The following ZRANB1 variants were observed in gnomAD, a reference collection of about 807,000 sequenced individuals.
ZRANB1 encodes ubiquitin thioesterase ZRANB1.
ZRANB1 carries 16 observed loss-of-function variants against 80.5 expected under a neutral mutation model. The ratio of observed to expected loss-of-function variants is 0.20; its 90% CI spans 0.13 to 0.30. The LOEUF is 0.30. ZRANB1 is among the 10% of genes least tolerant of loss of function. The pLI is 1.00. For missense variants in ZRANB1, 576 were observed against 862.6 expected (o/e 0.67, Z 4.16); for synonymous variants, 291 against 293.1 (o/e 0.99, Z 0.07).
At chr10:124,936,227 C>T in the ZRANB1 span, among the ~76,000 whole-genome samples, 1 of 151,990 alleles carries the variant, frequency 6.6e-6, no homozygotes, top group Non-Finnish European at 1.5e-5. Context: ...GCAGAAGAGC[C>T]TCAGAAAGAG....
In ZRANB1 at chr10:124,942,627, G is replaced by T; in HGVS notation, c.134G>T (p.Gly45Val). The change falls in exon 1 of 9, where the codon GGT (glycine) becomes GTT (valine). Residue 45 changes from glycine (G) to valine (V), a missense_variant. Gly to Val is a moderately radical substitution (Grantham distance 109, BLOSUM62 -3). Coordinates refer to ENST00000359653, the MANE Select transcript of ZRANB1 (RefSeq NM_017580.3). ...TIITEDPFKSGSSDVGRDWDP... is the reference protein window; with the variant it reads ...TIITEDPFKSVSSDVGRDWDP... ...ATTACAGAAGATCCATTTAAAAGTG[G>T]TTCAAGTGATGTTGGTAGAGATTGG... 1.2e-6 allele frequency: 2 copies of T among 1,614,204 alleles called. No homozygotes were observed. Among genetic ancestry groups the T allele is most frequent in the South Asian group, 2.2e-5 (2 of 91,080 alleles).
intron 1 of ZRANB1, among the ~76,000 whole-genome samples, chr10:124,950,160 T>C (rs1008488701): frequency 1.3e-5 from 2 of 152,176 alleles, no homozygotes; most frequent in African/African-American, 4.8e-5. Flanking sequence ...GGTCTCACTG[T>C]CTCCCAGGCT....
At chr10:124,934,366 C>G in the ZRANB1 span, among the ~76,000 whole-genome samples, 41 of 152,144 alleles carry the variant, frequency 2.7e-4, no homozygotes, top group African/African-American at 9.4e-4. Flanking sequence ...TTTTTGAGAT[C>G]TAATTATTGA....
upstream of ZRANB1, chr10:124,940,632 A>T: frequency 4.1e-5 from 35 of 860,546 alleles, no homozygotes; most frequent in Non-Finnish European, 5.6e-5. Context: ...TCACACTATA[A>T]ATGGTGTATG....
At chr10:124,958,156 A>T (rs970118367) in intron 1 of ZRANB1, among the ~76,000 whole-genome samples, 1 of 152,208 alleles carries the variant, frequency 6.6e-6, no homozygotes, top group African/African-American at 2.4e-5. Context: ...ATTTGTACTG[A>T]CTTCTTGTAA....
chr10:124,947,715 T>C (rs1258312855), intron 1 of ZRANB1, among the ~76,000 whole-genome samples: 4 of 152,210 alleles, frequency 2.6e-5, no homozygotes, highest in African/African-American at 9.6e-5. Context: ...TTCCATTGCT[T>C]GTGCCAAAAG....
intron 2 of ZRANB1, 132 bp downstream of exon 2, chr10:124,966,913 T>C: frequency 2.4e-6 from 2 of 831,672 alleles, no homozygotes; most frequent in Non-Finnish European, 3.7e-6. Context: ...CTTTTAAAAA[T>C]AACATTAAAC....
rs199761917 is a variant in ZRANB1 at position 124,984,944 on chromosome 10, T to C, written c.2079T>C (p.Cys693=). 2.4e-5 allele frequency: 39 copies of C among 1,613,870 alleles called. No individual in the cohort carries two copies. In the East Asian group the frequency reaches 4.5e-4, roughly 18 times the overall value. The change falls in exon 9 of 9, where the codon TGT becomes TGC. Residue 693 remains cysteine, a synonymous_variant. Transcript: ENST00000359653. ...WLDRYRQIRP[C]TSLSDGEEDE... ...ACCGCTACCGACAGATCCGGCCGTG[T>C]ACATCCCTGTCTGATGGAGAGGAAG...
the ZRANB1 span, among the ~76,000 whole-genome samples, chr10:124,918,315 C>G: frequency 4.6e-5 from 7 of 152,172 alleles, no homozygotes; most frequent in Non-Finnish European, 7.3e-5. Context: ...TTCTGCCTCC[C>G]GAGTAGTTGG....
upstream of ZRANB1, among the ~76,000 whole-genome samples, chr10:124,939,602 A>G (rs1589837260): frequency 1.3e-5 from 2 of 152,366 alleles, no homozygotes; most frequent in African/African-American, 4.8e-5. Context: ...CTACAAACAT[A>G]GTAAGACTTA....
At chr10:124,927,056 C>T in the ZRANB1 span, among the ~76,000 whole-genome samples, 10 of 152,122 alleles carry the variant, frequency 6.6e-5, no homozygotes, top group Admixed American at 2.0e-4. Flanking sequence ...CTGGGGTTCA[C>T]GCCATCCTCT....
At chr10:124,939,816 G>T (rs1951519319), upstream of ZRANB1, among the ~76,000 whole-genome samples, 1 of 152,036 alleles carries the variant, frequency 6.6e-6, no homozygotes, top group South Asian at 2.1e-4. Flanking sequence ...TATGAAAATT[G>T]CCATTAAATC....
chr10:124,942,282 T>A lies in ZRANB1; in HGVS notation c.-212T>A. 7.2e-7 allele frequency: 1 copy of A among 1,383,522 alleles called. No homozygotes were observed. Among genetic ancestry groups the A allele is most frequent in the Admixed American group, 3.1e-5 (1 of 32,124 alleles). The allele number at this position is 1,383,522 out of a possible 1,614,324, so 85.7% of individuals were successfully genotyped here. On this transcript the variant is annotated 5_prime_UTR_variant, in exon 1 of 9. Transcript: ENST00000359653. ...CTAAGATTTTTTCTTTGAGAATTTA[T>A]CTCCAGTGTTTCTATGGAAATTAAA...
At chr10:124,932,443 C>T in the ZRANB1 span, among the ~76,000 whole-genome samples, 1 of 152,098 alleles carries the variant, frequency 6.6e-6, no homozygotes, top group Non-Finnish European at 1.5e-5. Flanking sequence ...GTACCCGCCA[C>T]CGCACCTGGC....
intron 1 of ZRANB1, among the ~76,000 whole-genome samples, chr10:124,956,447 G>A (rs1381975138): frequency 6.6e-6 from 1 of 152,076 alleles, no homozygotes; most frequent in East Asian, 1.9e-4. Flanking sequence ...TATTTTCCCT[G>A]TCATTCTTTT....
intron 3 of ZRANB1, among the ~76,000 whole-genome samples, chr10:124,972,856 G>A (rs1054649743): frequency 2.0e-5 from 3 of 151,232 alleles, no homozygotes; most frequent in Non-Finnish European, 2.9e-5. Flanking sequence ...ATAGCTTACT[G>A]CGCCTTCAAC....
chr10:124,957,822 G>A (rs1415941650), intron 1 of ZRANB1, among the ~76,000 whole-genome samples: 4 of 151,934 alleles, frequency 2.6e-5, no homozygotes, highest in African/African-American at 9.7e-5. Flanking sequence ...TGCCTCCCAG[G>A]TTCAAGGGAT....
chr10:124,920,220 C>T, the ZRANB1 span, among the ~76,000 whole-genome samples: 1 of 152,190 alleles, frequency 6.6e-6, no homozygotes, highest in South Asian at 2.1e-4. Flanking sequence ...CCACCGCACT[C>T]GGCCGGATTT....
chr10:124,961,364 T>G (rs537150810), intron 1 of ZRANB1, among the ~76,000 whole-genome samples: 25 of 152,210 alleles, frequency 1.6e-4, no homozygotes, highest in Non-Finnish European at 3.1e-4. Context: ...TCAGTAATGT[T>G]TTAAGTGACT....
Sources: gnomAD v4.1 joint callset for allele counts (sites outside exome capture counted in the v4.1 genomes callset) on GRCh38, gnomAD v4.1.1 for gene constraint, MANE v1.5 for transcripts, NCBI Gene and HGNC (gene_info 2026-07-23, HGNC 2026-07-21) for gene names.